OPA1: variants seen among roughly 807,000 people sequenced by gnomAD.
OPA1 encodes the protein OPA1 mitochondrial dynamin like GTPase, also known as dynamin-like GTPase OPA1, mitochondrial.
OPA1 carries 59 observed loss-of-function variants against 152.9 expected under a neutral mutation model. The ratio of observed to expected loss-of-function variants is 0.39; its 90% CI spans 0.31 to 0.48. OPA1 has a LOEUF of 0.48. OPA1 is among the 20% of genes least tolerant of loss of function. OPA1 has a pLI of 0.96. For missense variants in OPA1, 1,008 were observed against 1,216.8 expected, an observed-to-expected ratio of 0.83 and a Z score of 2.55; for synonymous variants, 400 against 389.9, an observed-to-expected ratio of 1.03 and a Z score of -0.31.
At chr3:193,616,714 G>C (rs1411598232) in intron 3 of OPA1, among the ~76,000 whole-genome samples, 1 of 152,180 alleles carries the variant, frequency 6.6e-6, no homozygotes, top group Non-Finnish European at 1.5e-5. Context: ...GTAATTCATG[G>C]TGATCTTTAA....
intron 6 of OPA1, among the ~76,000 whole-genome samples, chr3:193,624,494 T>C (rs1249406100): frequency 6.6e-6 from 1 of 152,092 alleles, no homozygotes; most frequent in African/African-American, 2.4e-5. Flanking sequence ...TGAAAGAAAA[T>C]AAATCAGGTT....
chr3:193,622,160 T>A (rs1348414664), intron 6 of OPA1, among the ~76,000 whole-genome samples: 3 of 152,054 alleles, frequency 2.0e-5, no homozygotes, highest in Non-Finnish European at 2.9e-5. Context: ...GTAGTAGTAT[T>A]GTTTTAAGTA....
intron 1 of OPA1, among the ~76,000 whole-genome samples, chr3:193,596,187 T>C (rs918351368): frequency 9.8e-5 from 14 of 143,012 alleles, no homozygotes; most frequent in Middle Eastern, 3.3e-3. Context: ...TTTCCTCTTA[T>C]GTTTTTCACC....
chr3:193,657,007 T>A, intron 22 of OPA1, 73 bp from the exon 23 acceptor site: 1 of 1,317,624 alleles, frequency 7.6e-7, no homozygotes, highest in Non-Finnish European at 1.1e-6. Flanking sequence ...TGGCTTGAGC[T>A]CGTGTTATTT....
In OPA1 at chr3:193,662,911, C is replaced by G; in HGVS notation, c.2610C>G (p.Thr870=). 1 of 1,613,588 alleles carries G rather than the reference C, an allele frequency of 6.2e-7. No individual in the cohort carries two copies. The change falls in exon 26 of 31, where the codon ACC becomes ACG. Residue 870 remains threonine, a synonymous_variant. Transcript: ENST00000361510. ...HPAYLASDEI[T]TVRKNLESRG... ...CTTATCTTGCAAGTGATGAAATAAC[C>G]ACAGTCCGGAAGAACCTTGAATCCC...
chr3:193,610,376 T>C (rs1728011859), intron 1 of OPA1, among the ~76,000 whole-genome samples: 1 of 152,234 alleles, frequency 6.6e-6, no homozygotes, highest in Admixed American at 6.5e-5. Flanking sequence ...CAGATGTTGC[T>C]GCCTGATCGT....
chr3:193,628,893 A>T (rs371211461), intron 7 of OPA1, among the ~76,000 whole-genome samples: 1 of 152,138 alleles, frequency 6.6e-6, no homozygotes, highest in Non-Finnish European at 1.5e-5. Context: ...CTAATTTTTT[A>T]CTTTACCACC....
At position 193,626,206 on chromosome 3, in the gene OPA1, A is replaced by G; in HGVS notation, c.789+4A>G. On this transcript the variant is annotated splice_donor_region_variant and intron_variant, in intron 7 of 30. Transcript: ENST00000361510. ...CTATGCCCAACAGAAGCGCAAGGTG[A>G]TGGATGGTTTAAGGGGGCTACCGAT... 1.2e-6 allele frequency: 2 copies of G among 1,609,348 alleles called. No homozygotes were observed. The highest frequency in any genetic ancestry group is 1.7e-5 in the Admixed American group (1 of 60,008).
At chr3:193,599,267 GC>G (rs1726091832) in intron 1 of OPA1, among the ~76,000 whole-genome samples, 1 of 152,074 alleles carries the variant, frequency 6.6e-6, no homozygotes, top group Non-Finnish European at 1.5e-5. Context: ...TTAAGCCTCA[GC>G]CTTATATTCA....
At chr3:193,650,773 A>G (rs1712216525) in intron 21 of OPA1, among the ~76,000 whole-genome samples, 1 of 152,174 alleles carries the variant, frequency 6.6e-6, no homozygotes, top group African/African-American at 2.4e-5. Flanking sequence ...CCTGGTTTTC[A>G]AGAGTGAATC....
At chr3:193,601,628 C>T (rs1013043520) in intron 1 of OPA1, among the ~76,000 whole-genome samples, 2 of 152,134 alleles carry the variant, frequency 1.3e-5, no homozygotes, top group South Asian at 4.1e-4. Context: ...AAAAAGAGAC[C>T]CTACTGGATA....
At chr3:193,656,657 T>C (rs758433802) in intron 22 of OPA1, among the ~76,000 whole-genome samples, 6 of 152,174 alleles carry the variant, frequency 3.9e-5, no homozygotes, top group Non-Finnish European at 8.8e-5. Flanking sequence ...ATAAATGAAC[T>C]AACTTGGGTG....
At chr3:193,607,003 T>A (rs1477160050) in intron 1 of OPA1, among the ~76,000 whole-genome samples, 1 of 152,244 alleles carries the variant, frequency 6.6e-6, no homozygotes, top group Non-Finnish European at 1.5e-5. Flanking sequence ...TGATTTGCAT[T>A]TCTCTGATGG....
chr3:193,687,672 C>G (rs1721098174), intron 29 of OPA1, among the ~76,000 whole-genome samples: 1 of 152,156 alleles, frequency 6.6e-6, no homozygotes. Flanking sequence ...TTGTTGCCAA[C>G]ATTTAACTTC....
intron 20 of OPA1, 58 bp from the exon 21 acceptor site, chr3:193,648,737 G>C: frequency 8.3e-7 from 1 of 1,203,234 alleles, no homozygotes; most frequent in Non-Finnish European, 1.2e-6. Context: ...TGAAAATCAT[G>C]ACAGGGTAAA....
At chr3:193,630,259 T>G (rs981507050) in intron 7 of OPA1, among the ~76,000 whole-genome samples, 10 of 122,080 alleles carry the variant, frequency 8.2e-5, no homozygotes, top group African/African-American at 3.0e-4. Flanking sequence ...TCAGCAGATC[T>G]GTGCTTGCTG....
chr3:193,661,499 A>T (rs939876063), intron 25 of OPA1, among the ~76,000 whole-genome samples: 1 of 152,182 alleles, frequency 6.6e-6, no homozygotes, highest in Admixed American at 6.6e-5. Flanking sequence ...TGGATTCTAG[A>T]AGAGGTTGAG....
At chr3:193,657,577 A>C (rs1714161918) in intron 23 of OPA1, among the ~76,000 whole-genome samples, 1 of 152,236 alleles carries the variant, frequency 6.6e-6, no homozygotes, top group Admixed American at 6.5e-5. Flanking sequence ...AAGGAACTAC[A>C]TGCGTTGGTT....
intron 25 of OPA1, among the ~76,000 whole-genome samples, chr3:193,659,809 A>G (rs1408850460): frequency 6.6e-6 from 1 of 152,158 alleles, no homozygotes; most frequent in Non-Finnish European, 1.5e-5. Context: ...GGTTGATTAC[A>G]TTGTTCATTT....
Sources: gnomAD v4.1 joint callset for allele counts (sites outside exome capture counted in the v4.1 genomes callset) on GRCh38, gnomAD v4.1.1 for gene constraint, MANE v1.5 for transcripts, NCBI Gene and HGNC (gene_info 2026-07-23, HGNC 2026-07-21) for gene names.